The following ADGRB3 variants were observed in gnomAD, a reference collection of about 807,000 sequenced individuals.
ADGRB3 encodes brain-specific angiogenesis inhibitor 3.
Under a neutral mutation model 193.4 loss-of-function variants are expected in ADGRB3, and 37 were observed. The observed-to-expected ratio is 0.19, with a 90% CI of 0.15 to 0.25. The LOEUF (loss-of-function observed/expected upper bound fraction) is 0.25, where lower values mean the gene tolerates loss of function less well. Ranked by LOEUF, ADGRB3 falls within the 10% of genes least tolerant of loss-of-function variation. The probability of loss-of-function intolerance (pLI) is 1.00; values close to 1 mark genes in which losing one functional copy is unlikely to be tolerated. For synonymous variants in ADGRB3, 690 were observed against 644.2 expected (o/e 1.07, Z -1.08); for missense variants, 1,637 against 1,852.9 (o/e 0.88, Z 2.14).
intron 3 of ADGRB3, among the ~76,000 whole-genome samples, chr6:68,854,458 A>G (rs1175277941): frequency 6.6e-6 from 1 of 152,180 alleles, no homozygotes; most frequent in Non-Finnish European, 1.5e-5. Context: ...CCATTCTACA[A>G]TGTATATGTA....
chr6:69,300,712 T>C (rs1364837816), intron 20 of ADGRB3, among the ~76,000 whole-genome samples: 1 of 151,802 alleles, frequency 6.6e-6, no homozygotes, highest in Non-Finnish European at 1.5e-5. Context: ...TAATACAATT[T>C]ACAATAGCTA....
intron 4 of ADGRB3, among the ~76,000 whole-genome samples, chr6:68,931,125 CTT>C (rs1185076316): frequency 7.3e-5 from 11 of 151,638 alleles, no homozygotes; most frequent in African/African-American, 2.2e-4. Context: ...AAAATATAAA[CTT>C]TTAAAAAATT....
chr6:68,916,881 G>T (rs1766893938), intron 3 of ADGRB3, among the ~76,000 whole-genome samples: 1 of 152,098 alleles, frequency 6.6e-6, no homozygotes, highest in African/African-American at 2.4e-5. Flanking sequence ...TACGAGACAG[G>T]GTAAAGAGTT....
chr6:69,084,966 G>A (rs985757530), intron 17 of ADGRB3, among the ~76,000 whole-genome samples: 1 of 152,050 alleles, frequency 6.6e-6, no homozygotes, highest in Non-Finnish European at 1.5e-5. Context: ...TACCAAGGAA[G>A]GATAGTTATT....
intron 3 of ADGRB3, among the ~76,000 whole-genome samples, chr6:68,873,366 T>G (rs2150220877): frequency 6.6e-6 from 1 of 152,240 alleles, no homozygotes; most frequent in East Asian, 1.9e-4. Context: ...CAGTTTGGAT[T>G]ACGGCCATAT....
chr6:69,360,691 GT>G (rs1207327568), intron 28 of ADGRB3, among the ~76,000 whole-genome samples, 177 bp from the exon 29 acceptor site: 4 of 151,862 alleles, frequency 2.6e-5, no homozygotes, highest in African/African-American at 9.7e-5. Context: ...TCAATGAAAA[GT>G]GATTGAGTAA....
intron 15 of ADGRB3, among the ~76,000 whole-genome samples, chr6:69,054,458 A>T (rs1771488210): frequency 6.6e-6 from 1 of 152,198 alleles, no homozygotes; most frequent in African/African-American, 2.4e-5. Context: ...TCCAGAGCTC[A>T]TGTCCTTAGG....
intron 15 of ADGRB3, among the ~76,000 whole-genome samples, chr6:69,057,526 G>T (rs1771579364): frequency 6.6e-6 from 1 of 151,624 alleles, no homozygotes; most frequent in Non-Finnish European, 1.5e-5. Flanking sequence ...GTTTTGTTTT[G>T]TTTTGTTTGT....
At chr6:68,754,671 C>A (rs1229747389) in intron 3 of ADGRB3, among the ~76,000 whole-genome samples, 2 of 151,704 alleles carry the variant, frequency 1.3e-5, no homozygotes, top group South Asian at 4.2e-4. Flanking sequence ...TAAACTAAGT[C>A]TAGATGGGAC....
intron 20 of ADGRB3, among the ~76,000 whole-genome samples, chr6:69,285,657 C>T (rs9454726): frequency 0.011 from 1,688 of 151,952 alleles, 25 homozygotes; most frequent in African/African-American, 0.038. Flanking sequence ...GGCAACAGAG[C>T]GAGACTCCAT....
At chr6:69,144,728 T>C (rs912505837) in intron 17 of ADGRB3, among the ~76,000 whole-genome samples, 2 of 152,228 alleles carry the variant, frequency 1.3e-5, no homozygotes, top group African/African-American at 4.8e-5. Context: ...TTGCATATGT[T>C]GAACCATCCT....
chr6:68,986,330 C>T (rs1169545924), intron 10 of ADGRB3, among the ~76,000 whole-genome samples: 2 of 152,240 alleles, frequency 1.3e-5, no homozygotes, highest in South Asian at 2.1e-4. Context: ...CTGTTCAACA[C>T]ACCATTCTGA....
chr6:69,039,888 C>A (rs529594994), intron 13 of ADGRB3, among the ~76,000 whole-genome samples: 135 of 151,608 alleles, frequency 8.9e-4, no homozygotes, highest in African/African-American at 2.9e-3. Flanking sequence ...ACTACAGGCG[C>A]GTGCCACCAC....
At chr6:69,322,117 C>A (rs762912225) in intron 20 of ADGRB3, among the ~76,000 whole-genome samples, 10 of 151,880 alleles carry the variant, frequency 6.6e-5, no homozygotes, top group Non-Finnish European at 1.3e-4. Flanking sequence ...ATTTGGTTTT[C>A]TGTTCCTTAG....
At chr6:69,244,931 T>TG (rs1379026069) in intron 20 of ADGRB3, among the ~76,000 whole-genome samples, 1 of 152,070 alleles carries the variant, frequency 6.6e-6, no homozygotes, top group Non-Finnish European at 1.5e-5. Context: ...GATATACATC[T>TG]GATTCTGTCC....
intron 3 of ADGRB3, among the ~76,000 whole-genome samples, chr6:68,734,892 T>G (rs1366331908): frequency 6.6e-6 from 1 of 152,032 alleles, no homozygotes; most frequent in Non-Finnish European, 1.5e-5. Context: ...TGAAAGGACC[T>G]CCTACTGAAA....
chr6:68,834,640 T>G (rs1351614878), intron 3 of ADGRB3, among the ~76,000 whole-genome samples: 1 of 152,140 alleles, frequency 6.6e-6, no homozygotes, highest in Non-Finnish European at 1.5e-5. Flanking sequence ...AAATTTCAAC[T>G]CGATATTTCT....
intron 17 of ADGRB3, among the ~76,000 whole-genome samples, chr6:69,224,513 A>T (rs1010748869): frequency 6.6e-6 from 1 of 152,208 alleles, no homozygotes; most frequent in South Asian, 2.1e-4. Flanking sequence ...AGATTAACAA[A>T]TGATCAATGT....
intron 29 of ADGRB3, among the ~76,000 whole-genome samples, chr6:69,364,678 C>T (rs923765846): frequency 6.6e-5 from 10 of 151,994 alleles, no homozygotes; most frequent in Admixed American, 5.3e-4. Flanking sequence ...AATTGCAATA[C>T]TAATATACTA....
Sources: allele counts gnomAD v4.1 joint callset (sites outside exome capture counted in the v4.1 genomes callset), GRCh38; gene constraint gnomAD v4.1.1; transcripts MANE v1.5; gene names NCBI Gene and HGNC (gene_info 2026-07-23, HGNC 2026-07-21).